Variants in MBD2 observed in about 807,000 individuals in gnomAD.
MBD2 encodes methyl-CpG binding domain protein 2.
In MBD2, 9 loss-of-function variants were observed where a neutral mutation model predicts 39.3. That is an observed-to-expected ratio of 0.23 (90% CI 0.14 to 0.40). The LOEUF is 0.40. Among genes scored for constraint, MBD2 ranks in the 10% least tolerant of loss-of-function variants. MBD2 has a pLI of 1.00. For synonymous variants in MBD2, 233 were observed against 211.1 expected (o/e 1.10, Z -0.90); for missense variants, 458 against 532.6 (o/e 0.86, Z 1.38).
At chr18:54,166,198 C>A (rs2086130720) in intron 3 of MBD2, 32 bp from the exon 4 acceptor site, 2 of 1,356,624 alleles carry the variant, frequency 1.5e-6, no homozygotes, top group East Asian at 2.3e-5. Flanking sequence ...TTAATAGATA[C>A]ATTTTTGAAA....
chr18:54,169,282 A>C (rs1260552313), intron 3 of MBD2, among the ~76,000 whole-genome samples: 4 of 152,152 alleles, frequency 2.6e-5, no homozygotes, highest in African/African-American at 4.8e-5. Context: ...TCCCAAGTCT[A>C]CTGCAACTTT....
intron 5 of MBD2, 86 bp downstream of exon 5, chr18:54,164,437 A>G (rs2086116331): frequency 1.7e-6 from 2 of 1,163,724 alleles, no homozygotes; most frequent in South Asian, 2.9e-5. Context: ...ATCACTTACT[A>G]GATATGCCAC....
intron 3 of MBD2, among the ~76,000 whole-genome samples, chr18:54,188,106 A>C (rs1337146768): frequency 6.6e-6 from 1 of 151,150 alleles, no homozygotes; most frequent in Non-Finnish European, 1.5e-5. Context: ...GAAAGGAGAG[A>C]AAAAAAAACG....
At chr18:54,210,197 A>T (rs2086490837) in intron 1 of MBD2, among the ~76,000 whole-genome samples, 1 of 152,212 alleles carries the variant, frequency 6.6e-6, no homozygotes, top group South Asian at 2.1e-4. Context: ...AACTCTGAAA[A>T]AAGCCCTGAA....
At chr18:54,158,834 G>A (rs904686836) in intron 6 of MBD2, among the ~76,000 whole-genome samples, 2 of 152,052 alleles carry the variant, frequency 1.3e-5, no homozygotes, top group African/African-American at 4.8e-5. Flanking sequence ...CACCATGTTG[G>A]CCAAGCTAGT....
intron 3 of MBD2, among the ~76,000 whole-genome samples, chr18:54,166,847 G>A (rs554394129): frequency 1.3e-5 from 2 of 152,316 alleles, no homozygotes; most frequent in Admixed American, 6.5e-5. Flanking sequence ...GGGCTATGGA[G>A]CCTTTTGCTT....
intron 1 of MBD2, among the ~76,000 whole-genome samples, chr18:54,209,161 C>T (rs557380370): frequency 2.6e-5 from 4 of 151,906 alleles, no homozygotes; most frequent in East Asian, 1.9e-4. Context: ...CCCAGCGTGG[C>T]GGCGTGCGCC....
intron 1 of MBD2, among the ~76,000 whole-genome samples, chr18:54,208,456 C>G (rs1244911353): frequency 6.6e-6 from 1 of 152,256 alleles, no homozygotes; most frequent in Non-Finnish European, 1.5e-5. Flanking sequence ...GGCGCCACTA[C>G]ACTCCAGCCT....
At chr18:54,169,250 C>T (rs973171165) in intron 3 of MBD2, among the ~76,000 whole-genome samples, 3 of 152,162 alleles carry the variant, frequency 2.0e-5, no homozygotes, top group African/African-American at 7.2e-5. Context: ...CAAGGAATGG[C>T]CCAATGTGCA....
chr18:54,166,446 A>G (rs922360437), intron 3 of MBD2, among the ~76,000 whole-genome samples: 2 of 152,206 alleles, frequency 1.3e-5, no homozygotes, highest in African/African-American at 4.8e-5. Flanking sequence ...AGTTTCTTAT[A>G]AGGTATCTTC....
intron 1 of MBD2, among the ~76,000 whole-genome samples, chr18:54,221,184 G>A (rs1035464631): frequency 3.9e-5 from 6 of 152,198 alleles, no homozygotes; most frequent in African/African-American, 1.4e-4. Flanking sequence ...GGGGCCGGGC[G>A]CGATGGCTCA....
At chr18:54,168,943 G>A (rs932201900) in intron 3 of MBD2, among the ~76,000 whole-genome samples, 1 of 152,068 alleles carries the variant, frequency 6.6e-6, no homozygotes, top group Non-Finnish European at 1.5e-5. Context: ...GGCGGGGGAC[G>A]AGGGCAAGGA....
chr18:54,223,141 C>G (rs1265649940), intron 1 of MBD2, among the ~76,000 whole-genome samples: 2 of 152,184 alleles, frequency 1.3e-5, no homozygotes, highest in Non-Finnish European at 2.9e-5. Context: ...ATTAAGTCCA[C>G]GGATGTCAAT....
At chr18:54,210,894 CAG>C (rs2086499512) in intron 1 of MBD2, among the ~76,000 whole-genome samples, 1 of 108,672 alleles carries the variant, frequency 9.2e-6, no homozygotes, top group Non-Finnish European at 1.7e-5. Context: ...TTTTTTGAGA[CAG>C]AGTCTCGCTC....
intron 3 of MBD2, among the ~76,000 whole-genome samples, chr18:54,167,137 G>C (rs1318632947): frequency 2.0e-5 from 3 of 152,108 alleles, no homozygotes; most frequent in African/African-American, 4.8e-5. Context: ...CTGTATAACT[G>C]TCTTTAATCC....
chr18:54,153,571 C>T lies in MBD2; in HGVS notation c.*1753G>A, dbSNP rs1395284371. 1 of 152,178 alleles carries T rather than the reference C, an allele frequency of 6.6e-6. No individual in the cohort carries two copies. Among genetic ancestry groups the T allele is most frequent in the African/African-American group, 2.4e-5 (1 of 41,426 alleles). The allele number at this position is 152,178 out of a possible 1,614,324, so 9.4% of individuals were successfully genotyped here. The stretch of plus-strand genomic sequence containing the variant: ...TTGGTTTGTAAAAAGAATATATGAT[C>T]ACCAAGGTGAAGTTACCCCAACCCT... On this transcript the variant is annotated 3_prime_UTR_variant, in exon 7 of 7. Transcript: ENST00000256429.
At position 54,160,322 on chromosome 18, in the gene MBD2, C is replaced by A. The variant is rs570903814; in HGVS notation, c.1110-419G>T. The stretch of plus-strand genomic sequence containing the variant: ...GAAGCACTGAGAAAGATGGAGGAAG[C>A]AGAGGCGTGATAAGCTGGGGTTTGA... On this transcript the variant is annotated intron_variant, in intron 5 of 6. Coordinates refer to ENST00000256429, the MANE Select transcript of MBD2 (RefSeq NM_003927.5). 3.3e-5 allele frequency among the ~76,000 whole-genome samples: 5 copies of A among 152,156 alleles called. 1 individual carries two copies. In the South Asian group the frequency reaches 1.0e-3, roughly 32 times the overall value.
chr18:54,222,043 ATTCCTCAAGGAG>A (rs2086618369), intron 1 of MBD2, among the ~76,000 whole-genome samples: 1 of 152,232 alleles, frequency 6.6e-6, no homozygotes, highest in Non-Finnish European at 1.5e-5. Context: ...CTAGTCATCT[ATTCCTCAAGGAG>A]TTCAATCACA....
At chr18:54,221,130 T>G (rs975708415) in intron 1 of MBD2, among the ~76,000 whole-genome samples, 1 of 152,208 alleles carries the variant, frequency 6.6e-6, no homozygotes. Context: ...CGACTTGCCT[T>G]AAGATGAATT....
Sources: gnomAD v4.1 joint callset for allele counts (sites outside exome capture counted in the v4.1 genomes callset) on GRCh38, gnomAD v4.1.1 for gene constraint, MANE v1.5 for transcripts, NCBI Gene and HGNC (gene_info 2026-07-23, HGNC 2026-07-21) for gene names.